The following FBXO8 variants were observed in gnomAD, a reference collection of about 807,000 sequenced individuals.
FBXO8 encodes F-box protein 8.
Under a neutral mutation model 33.4 loss-of-function variants are expected in FBXO8, and 15 were observed. That is an observed-to-expected ratio of 0.45 (90% CI 0.30 to 0.69). The LOEUF is 0.69. Among genes scored for constraint, FBXO8 ranks in the 30% least tolerant of loss-of-function variants. The pLI is 0.08. For synonymous variants in FBXO8, 132 were observed against 131.5 expected (o/e 1.00, Z -0.02); for missense variants, 274 against 380.3 (o/e 0.72, Z 2.32).
In FBXO8 at chr4:174,257,777, CAG is replaced by C. The variant is rs1482614361; in HGVS notation, c.456+1920_456+1921del. 6.6e-5 allele frequency among the ~76,000 whole-genome samples: 10 copies of C among 152,128 alleles called. No individual in the cohort carries two copies. The highest frequency in any genetic ancestry group is 3.9e-4 in the Admixed American group (6 of 15,272). On this transcript the variant is annotated intron_variant, in intron 3 of 5. Coordinates refer to ENST00000393674, the MANE Select transcript of FBXO8 (RefSeq NM_012180.3). The surrounding 1 kb of genome is among the most constrained non-coding windows in gnomAD (Gnocchi z 4.3). ...ATGATTATGATTATTATCATTGAGA[CAG>C]AGTCTCACTCTCACAACTTACTGCG...
At position 174,252,613 on chromosome 4, in the gene FBXO8, G is replaced by C. The variant is rs1043687954; in HGVS notation, c.456+7086C>G. On this transcript the variant is annotated intron_variant, in intron 3 of 5. Transcript: ENST00000393674. The surrounding 1 kb of genome is among the most constrained non-coding windows in gnomAD (Gnocchi z 5.1). ...TTATATTCTCACATACCAATGCCTAGAGGTGTACATGACACATGTACTTGT... is the reference window on the plus strand; with the variant it reads ...TTATATTCTCACATACCAATGCCTACAGGTGTACATGACACATGTACTTGT... Among the ~76,000 whole-genome samples the C allele has an allele frequency of 2.0e-5, 3 of 151,936 alleles. No homozygotes were observed. Among genetic ancestry groups the C allele is most frequent in the African/African-American group, 7.3e-5 (3 of 41,350 alleles).
In FBXO8 at chr4:174,251,045, C is replaced by G. The variant is rs1324481312; in HGVS notation, c.456+8654G>C. Among the ~76,000 whole-genome samples, 1 of 152,080 alleles carries G rather than the reference C, an allele frequency of 6.6e-6. No individual in the cohort carries two copies. Among genetic ancestry groups the G allele is most frequent in the Non-Finnish European group, 1.5e-5 (1 of 68,004 alleles). ...TGCACTTAAAAAGCTCAATGTACCA[C>G]TGTAAAGTCTCTAGTTACAATTACT... On this transcript the variant is annotated intron_variant, in intron 3 of 5. Transcript: ENST00000393674. This position sits in a 1 kb window ranked among gnomAD's most constrained non-coding sequence, Gnocchi z 4.2.
chr4:174,260,903 T>C (rs1391399050), intron 2 of FBXO8, among the ~76,000 whole-genome samples: 3 of 152,004 alleles, frequency 2.0e-5, no homozygotes, highest in Non-Finnish European at 4.4e-5. Context: ...TACTTTCTTA[T>C]ATTCATTATT....
In FBXO8 at chr4:174,275,850, T is replaced by C. The variant is rs1476553053; in HGVS notation, c.-9+7560A>G. ...TGGAATTAAGGAATACAAATCCTTATAGACACAAATCCTAAATGATGTTTT... is the reference window on the plus strand; with the variant it reads ...TGGAATTAAGGAATACAAATCCTTACAGACACAAATCCTAAATGATGTTTT... On this transcript the variant is annotated intron_variant, in intron 1 of 5. Coordinates refer to ENST00000393674, the MANE Select transcript of FBXO8 (RefSeq NM_012180.3). This position sits in a 1 kb window ranked among gnomAD's most constrained non-coding sequence, Gnocchi z 4.4. Among the ~76,000 whole-genome samples, 1 of 152,168 alleles carries C rather than the reference T, an allele frequency of 6.6e-6. No homozygotes were observed. Among genetic ancestry groups the C allele is most frequent in the Admixed American group, 6.5e-5 (1 of 15,272 alleles).
chr4:174,275,951 G>A lies in FBXO8; in HGVS notation c.-9+7459C>T, dbSNP rs908503966. ...AGGATCGATATTTGTGTAACTCTTA[G>A]TCTAATAAAAAAGACAATGTACATA... On this transcript the variant is annotated intron_variant, in intron 1 of 5. Coordinates refer to ENST00000393674, the MANE Select transcript of FBXO8 (RefSeq NM_012180.3). This position sits in a 1 kb window ranked among gnomAD's most constrained non-coding sequence, Gnocchi z 4.4. Among the ~76,000 whole-genome samples the A allele has an allele frequency of 1.3e-5, 2 of 152,014 alleles. No individual in the cohort carries two copies. The highest frequency in any genetic ancestry group is 4.8e-5 in the African/African-American group (2 of 41,392).
intron 1 of FBXO8, among the ~76,000 whole-genome samples, chr4:174,268,725 C>T (rs188774717): frequency 2.0e-5 from 3 of 152,298 alleles, no homozygotes; most frequent in East Asian, 3.9e-4. Context: ...CGTGAGCCAC[C>T]GCGCCCGGCC....
intron 1 of FBXO8, among the ~76,000 whole-genome samples, chr4:174,276,874 TC>T (rs1050001783): frequency 6.6e-6 from 1 of 152,218 alleles, no homozygotes; most frequent in African/African-American, 2.4e-5. Context: ...AAGGTTCTGA[TC>T]TTTTGTTTCC....
rs761410320 is a variant in FBXO8 at position 174,254,513 on chromosome 4, G to A, written c.456+5186C>T. Among the ~76,000 whole-genome samples the A allele has an allele frequency of 6.6e-5, 10 of 152,148 alleles. No homozygotes were observed. The highest frequency in any genetic ancestry group is 2.6e-4 in the Admixed American group (4 of 15,274). ...TTAAAAGAGTTAGTACAGAGAATGCGATACCAAGTAAATAATGATGAATGG... is the reference window on the plus strand; with the variant it reads ...TTAAAAGAGTTAGTACAGAGAATGCAATACCAAGTAAATAATGATGAATGG... On this transcript the variant is annotated intron_variant, in intron 3 of 5. Transcript: ENST00000393674. This position sits in a 1 kb window ranked among gnomAD's most constrained non-coding sequence, Gnocchi z 4.2.
chr4:174,270,304 G>A lies in FBXO8; in HGVS notation c.-8-7204C>T, dbSNP rs1014854353. Reference sequence around the variant, plus strand: ...GCTGTGGCACAGTAGCTGGGAAGACGTAAATGGAAAGTAACATGATTTTAG... The same window carrying A: ...GCTGTGGCACAGTAGCTGGGAAGACATAAATGGAAAGTAACATGATTTTAG... On this transcript the variant is annotated intron_variant, in intron 1 of 5. Coordinates refer to ENST00000393674, the MANE Select transcript of FBXO8 (RefSeq NM_012180.3). The surrounding 1 kb of genome is among the most constrained non-coding windows in gnomAD (Gnocchi z 4.6). Among the ~76,000 whole-genome samples, 3 of 152,146 alleles carry A rather than the reference G, an allele frequency of 2.0e-5. No homozygotes were observed. Among genetic ancestry groups the A allele is most frequent in the Admixed American group, 2.0e-4 (3 of 15,272 alleles).
At position 174,278,073 on chromosome 4, in the gene FBXO8, T is replaced by G. The variant is rs969482016; in HGVS notation, c.-9+5337A>C. 1.3e-5 allele frequency among the ~76,000 whole-genome samples: 2 copies of G among 151,994 alleles called. No individual in the cohort carries two copies. On this transcript the variant is annotated intron_variant, in intron 1 of 5. Transcript: ENST00000393674. This position sits in a 1 kb window ranked among gnomAD's most constrained non-coding sequence, Gnocchi z 4.1. ...CCAAAGAAGTTTAGAACAGACTGCG[T>G]AGAGAAATTTTTTAAAAAAGAAAAA...
rs1355809394 is a variant in FBXO8 at position 174,237,206 on chromosome 4, C to T, written c.*206G>A. ...TCTGCTTTGTGCAAAACGTGATAAA[C>T]AAAATTAGGAAAAATTCTGCAAAAT... On this transcript the variant is annotated 3_prime_UTR_variant, in exon 6 of 6. Coordinates refer to ENST00000393674, the MANE Select transcript of FBXO8 (RefSeq NM_012180.3). This position sits in a 1 kb window ranked among gnomAD's most constrained non-coding sequence, Gnocchi z 4.4. 3 of 475,932 alleles carry T rather than the reference C, an allele frequency of 6.3e-6. No individual in the cohort carries two copies. The East Asian group carries it at 9.1e-5, about 14-fold the overall frequency. 29.5% of individuals were successfully genotyped at this position (475,932 alleles called of 1,614,324 possible). A position where few individuals can be genotyped will look rare whatever the true frequency, so the allele number is the denominator to read the frequency against.
rs139591538 is a variant in FBXO8, at chr4:174,253,026, T to C, written c.456+6673A>G. 6.6e-6 allele frequency among the ~76,000 whole-genome samples: 1 copy of C among 152,048 alleles called. No individual in the cohort carries two copies. Among genetic ancestry groups the C allele is most frequent in the African/African-American group, 2.4e-5 (1 of 41,400 alleles). On this transcript the variant is annotated intron_variant, in intron 3 of 5. Transcript: ENST00000393674. The surrounding 1 kb of genome is among the most constrained non-coding windows in gnomAD (Gnocchi z 4.5). ...TCTATACACATATTTTCCAACCTCA[T>C]GAGTCAAGAGATAGATTACACGGAT...
intron 5 of FBXO8, among the ~76,000 whole-genome samples, chr4:174,238,337 C>T (rs1253427122): frequency 6.6e-6 from 1 of 151,786 alleles, no homozygotes; most frequent in Non-Finnish European, 1.5e-5. Flanking sequence ...TTTCGGAATC[C>T]TGCAGTCTTA....
intron 1 of FBXO8, among the ~76,000 whole-genome samples, chr4:174,268,394 G>A (rs1190151307): frequency 1.3e-5 from 2 of 152,036 alleles, no homozygotes; most frequent in African/African-American, 2.4e-5. Flanking sequence ...ACTAGATAAC[G>A]CTTCTGCACT....
At chr4:174,238,737 A>T (rs891702455) in intron 5 of FBXO8, among the ~76,000 whole-genome samples, 41 of 145,388 alleles carry the variant, frequency 2.8e-4, no homozygotes, top group African/African-American at 9.8e-4. Flanking sequence ...AAAAATATAA[A>T]TGGCTATATA....
chr4:174,276,273 T>C (rs1394409864), intron 1 of FBXO8, among the ~76,000 whole-genome samples: 1 of 152,208 alleles, frequency 6.6e-6, no homozygotes, highest in Non-Finnish European at 1.5e-5. Flanking sequence ...AGTCTTGCTC[T>C]GTTGCCCAGG....
chr4:174,250,502 A>T (rs2126423223), intron 3 of FBXO8, among the ~76,000 whole-genome samples: 1 of 152,258 alleles, frequency 6.6e-6, no homozygotes, highest in Middle Eastern at 3.4e-3. Context: ...TATCACTTTG[A>T]TGCTATATTT....
At chr4:174,250,573 T>A (rs1736263190) in intron 3 of FBXO8, among the ~76,000 whole-genome samples, 1 of 152,100 alleles carries the variant, frequency 6.6e-6, no homozygotes, top group Non-Finnish European at 1.5e-5. Context: ...AAAGAAGGCA[T>A]CTCTCTAAAA....
chr4:174,273,269 G>A (rs1229585869), intron 1 of FBXO8, among the ~76,000 whole-genome samples: 1 of 146,018 alleles, frequency 6.8e-6, no homozygotes, highest in African/African-American at 2.5e-5. Flanking sequence ...CCTGAGTGAC[G>A]GAGCAAAACT....
Sources: allele counts gnomAD v4.1 joint callset (sites outside exome capture counted in the v4.1 genomes callset), GRCh38; gene constraint gnomAD v4.1.1; non-coding constraint Gnocchi (gnomAD v3.1); transcripts MANE v1.5; gene names NCBI Gene and HGNC (gene_info 2026-07-23, HGNC 2026-07-21).